CATSPERT: variants seen among roughly 807,000 people sequenced by gnomAD.
CATSPERT encodes the protein catsper channel auxiliary subunit tau.
At chr2:201,608,827 AAAG>A in the CATSPERT span, among the ~76,000 whole-genome samples, 204 of 118,328 alleles carry the variant, frequency 1.7e-3, no homozygotes, top group African/African-American at 4.0e-3. Flanking sequence ...AAAAAAAAAA[AAAG>A]AAAGAAACAA....
the CATSPERT span, among the ~76,000 whole-genome samples, chr2:201,594,048 T>C: frequency 1.3e-5 from 2 of 152,208 alleles, no homozygotes; most frequent in Admixed American, 6.5e-5. Context: ...TTTTGCTCGT[T>C]AGTTGATGCA....
At chr2:201,539,511 GTTTTTTTTT>G in the CATSPERT span, among the ~76,000 whole-genome samples, 1 of 89,760 alleles carries the variant, frequency 1.1e-5, no homozygotes, top group Non-Finnish European at 2.1e-5. Context: ...TTTTAACGAG[GTTTTTTTTT>G]TTTTTTTTTG....
the CATSPERT span, among the ~76,000 whole-genome samples, chr2:201,578,323 A>C: frequency 1.3e-5 from 2 of 152,142 alleles, no homozygotes; most frequent in African/African-American, 2.4e-5. Flanking sequence ...ACCTTGCATT[A>C]TAAAAGTCCT....
the CATSPERT span, chr2:201,574,163 A>C: frequency 1.5e-6 from 2 of 1,361,108 alleles, no homozygotes; most frequent in Non-Finnish European, 2.0e-6. Flanking sequence ...GGACGATTTG[A>C]CTGAAGAGTT....
the CATSPERT span, among the ~76,000 whole-genome samples, chr2:201,516,067 TAC>T: frequency 4.6e-5 from 7 of 152,228 alleles, no homozygotes; most frequent in Non-Finnish European, 8.8e-5. Context: ...TGTGGCCTAC[TAC>T]ACACCTATGC....
the CATSPERT span, among the ~76,000 whole-genome samples, chr2:201,612,202 C>A: frequency 1.4e-4 from 22 of 152,248 alleles, no homozygotes; most frequent in East Asian, 3.9e-3. Context: ...GAGACTCTAA[C>A]AAGTTAAATA....
the CATSPERT span, among the ~76,000 whole-genome samples, chr2:201,613,349 A>G: frequency 6.6e-6 from 1 of 152,302 alleles, no homozygotes; most frequent in Non-Finnish European, 1.5e-5. Context: ...CCTCTGAGAC[A>G]ACGCTTCCAG....
chr2:201,618,132 A>G, the CATSPERT span, among the ~76,000 whole-genome samples: 1 of 152,222 alleles, frequency 6.6e-6, no homozygotes, highest in South Asian at 2.1e-4. Context: ...TAGTTCAACC[A>G]TTGTGGAAGA....
the CATSPERT span, among the ~76,000 whole-genome samples, chr2:201,542,007 C>T: frequency 6.6e-6 from 1 of 152,102 alleles, no homozygotes; most frequent in African/African-American, 2.4e-5. Flanking sequence ...AATCCTCCTG[C>T]CTTGGCCTCC....
the CATSPERT span, chr2:201,491,826 C>A: frequency 3.9e-6 from 6 of 1,536,874 alleles, no homozygotes; most frequent in East Asian, 1.2e-4. Context: ...ATTTACCACC[C>A]CAACTATATG....
the CATSPERT span, among the ~76,000 whole-genome samples, chr2:201,541,531 T>TTTTATA: frequency 6.5e-5 from 6 of 92,746 alleles, no homozygotes; most frequent in African/African-American, 2.7e-4. Flanking sequence ...TCAGATGATT[T>TTTTATA]TATATATATA....
At chr2:201,501,104 G>C in the CATSPERT span, among the ~76,000 whole-genome samples, 5 of 151,890 alleles carry the variant, frequency 3.3e-5, no homozygotes, top group Admixed American at 2.6e-4. Context: ...CACTAAAAAA[G>C]AGAAAGATCT....
the CATSPERT span, chr2:201,535,520 T>C: frequency 4.3e-6 from 4 of 933,768 alleles, no homozygotes; most frequent in Non-Finnish European, 5.1e-6. Flanking sequence ...TTATTAAGAA[T>C]TTCCACTGAA....
At chr2:201,491,196 A>G in the CATSPERT span, 1 of 1,535,014 alleles carries the variant, frequency 6.5e-7, no homozygotes, top group South Asian at 1.2e-5. Flanking sequence ...CAGTCCAGTG[A>G]AGCAGTGTCC....
the CATSPERT span, chr2:201,545,629 C>CAAAAGA: frequency 7.0e-6 from 1 of 143,214 alleles, no homozygotes; most frequent in African/African-American, 5.7e-5. Flanking sequence ...TTCCTAGAAG[C>CAAAAGA]AAAAAAAAAA....
chr2:201,498,806 CTT>C, the CATSPERT span, among the ~76,000 whole-genome samples: 1 of 152,178 alleles, frequency 6.6e-6, no homozygotes, highest in Non-Finnish European at 1.5e-5. Flanking sequence ...GCAGCACTGT[CTT>C]TTCCCAGTCA....
the CATSPERT span, among the ~76,000 whole-genome samples, chr2:201,544,371 C>T: frequency 6.6e-6 from 1 of 152,160 alleles, no homozygotes; most frequent in Non-Finnish European, 1.5e-5. Context: ...TGGGTACATA[C>T]CCAGTAATGG....
the CATSPERT span, among the ~76,000 whole-genome samples, chr2:201,595,337 C>T: frequency 1.3e-5 from 2 of 151,714 alleles, no homozygotes; most frequent in South Asian, 2.1e-4. Flanking sequence ...TACAGGCGCC[C>T]GCCACCTCGC....
chr2:201,530,961 G>GTTTTTTTTTTTTTT, the CATSPERT span, among the ~76,000 whole-genome samples: 39 of 106,034 alleles, frequency 3.7e-4, no homozygotes, highest in East Asian at 1.1e-3. Context: ...TTTTTTGTGG[G>GTTTTTTTTTTTTTT]TTTTTTTTTT....
Sources: allele counts gnomAD v4.1 joint callset (sites outside exome capture counted in the v4.1 genomes callset), GRCh38; gene constraint gnomAD v4.1.1; transcripts MANE v1.5; gene names NCBI Gene and HGNC (gene_info 2026-07-23, HGNC 2026-07-21).